The following EHBP1 variants were observed in gnomAD, a reference collection of about 807,000 sequenced individuals.
EHBP1 encodes EH domain-binding protein 1.
In EHBP1, 55 loss-of-function variants were observed where a neutral mutation model predicts 144.0. The observed-to-expected ratio is 0.38, with a 90% CI of 0.31 to 0.48. The LOEUF is 0.48. Ranked by LOEUF, EHBP1 falls within the 20% of genes least tolerant of loss-of-function variation. EHBP1 has a pLI of 0.98. For synonymous variants in EHBP1, 469 were observed against 472.7 expected (o/e 0.99, Z 0.10); for missense variants, 1,200 against 1,364.2 (o/e 0.88, Z 1.90).
At chr2:62,852,561 G>A (rs1386818306) in intron 7 of EHBP1, among the ~76,000 whole-genome samples, 1 of 151,980 alleles carries the variant, frequency 6.6e-6, no homozygotes, top group East Asian at 1.9e-4. Context: ...GATAATGGAT[G>A]CAAAGCCTTT....
intron 10 of EHBP1, among the ~76,000 whole-genome samples, chr2:62,885,081 A>G (rs557154129): frequency 7.9e-5 from 12 of 152,368 alleles, no homozygotes; most frequent in African/African-American, 2.9e-4. Flanking sequence ...AATTATTTGT[A>G]TATCAAAATG....
chr2:63,026,222 C>T (rs1208722804), intron 19 of EHBP1, among the ~76,000 whole-genome samples: 2 of 150,774 alleles, frequency 1.3e-5, no homozygotes. Flanking sequence ...AATCACCATG[C>T]CTTGCTCTAT....
At chr2:62,841,457 A>G (rs889252114) in intron 7 of EHBP1, among the ~76,000 whole-genome samples, 2 of 151,844 alleles carry the variant, frequency 1.3e-5, no homozygotes, top group African/African-American at 2.4e-5. Flanking sequence ...AACCTGCACA[A>G]TGTGCACATG....
At chr2:62,927,180 A>C (rs2055587436) in intron 10 of EHBP1, among the ~76,000 whole-genome samples, 1 of 152,170 alleles carries the variant, frequency 6.6e-6, no homozygotes, top group African/African-American at 2.4e-5. Flanking sequence ...AACAGAGGAT[A>C]CTAGAGGCTG....
intron 5 of EHBP1, among the ~76,000 whole-genome samples, chr2:62,773,352 G>T (rs1347252361): frequency 6.6e-6 from 1 of 151,960 alleles, no homozygotes; most frequent in Non-Finnish European, 1.5e-5. Context: ...GGAAAATCTA[G>T]GCCAGTTTTC....
intron 13 of EHBP1, among the ~76,000 whole-genome samples, chr2:62,951,534 T>TTGGG (rs2057385999): frequency 1.1e-5 from 1 of 92,330 alleles, no homozygotes; most frequent in Non-Finnish European, 2.1e-5. Flanking sequence ...TTTTTTTTTT[T>TTGGG]GGGGGGGGGG....
At chr2:62,955,382 A>G (rs2153110139) in intron 13 of EHBP1, 135 bp from the exon 14 acceptor site, 5 of 787,338 alleles carry the variant, frequency 6.4e-6, no homozygotes, top group Non-Finnish European at 7.8e-6. Flanking sequence ...AATATTCTCT[A>G]TAGGTAATCT....
chr2:62,990,320 T>C (rs942316167), intron 15 of EHBP1, among the ~76,000 whole-genome samples: 1 of 152,130 alleles, frequency 6.6e-6, no homozygotes, highest in African/African-American at 2.4e-5. Context: ...TCTGATATAC[T>C]AAAAGAAAAC....
chr2:63,013,221 T>C (rs764565328), intron 19 of EHBP1, among the ~76,000 whole-genome samples: 6 of 152,160 alleles, frequency 3.9e-5, no homozygotes, highest in Non-Finnish European at 7.4e-5. Flanking sequence ...AGAAAGTAAA[T>C]TAATGTTTTA....
At chr2:62,844,867 C>T (rs138913079) in intron 7 of EHBP1, among the ~76,000 whole-genome samples, 53 of 152,274 alleles carry the variant, frequency 3.5e-4, no homozygotes, top group South Asian at 8.3e-4. Flanking sequence ...GCATGACCTA[C>T]ATAGGCCAAG....
intron 5 of EHBP1, among the ~76,000 whole-genome samples, chr2:62,780,667 G>C (rs1216388397): frequency 6.6e-6 from 1 of 152,098 alleles, no homozygotes; most frequent in Non-Finnish European, 1.5e-5. Context: ...TGCATGCTTT[G>C]AGCCTGTCAA....
chr2:62,681,086 G>T (rs1467128305), intron 1 of EHBP1, among the ~76,000 whole-genome samples: 1 of 151,748 alleles, frequency 6.6e-6, no homozygotes, highest in African/African-American at 2.4e-5. Context: ...GCTGAGGCAG[G>T]TGGATCACCT....
intron 14 of EHBP1, among the ~76,000 whole-genome samples, chr2:62,964,280 G>C (rs2058136994): frequency 6.6e-6 from 1 of 152,152 alleles, no homozygotes; most frequent in Admixed American, 6.5e-5. Flanking sequence ...AATGCATGAA[G>C]CTAGGGCTAG....
intron 20 of EHBP1, 69 bp from the exon 21 acceptor site, chr2:63,038,674 C>G: frequency 7.0e-7 from 1 of 1,424,210 alleles, no homozygotes; most frequent in Non-Finnish European, 9.9e-7. Context: ...TCAATGTAAC[C>G]TAAAGGTTCT....
At chr2:62,806,076 C>T (rs915002859) in intron 5 of EHBP1, among the ~76,000 whole-genome samples, 3 of 151,952 alleles carry the variant, frequency 2.0e-5, no homozygotes, top group African/African-American at 4.8e-5. Context: ...ACCTCCTGGG[C>T]TCAAGTGATC....
chr2:63,003,058 A>G (rs1026145698), intron 19 of EHBP1, among the ~76,000 whole-genome samples: 2 of 152,052 alleles, frequency 1.3e-5, no homozygotes, highest in Non-Finnish European at 2.9e-5. Flanking sequence ...TGATTTTTTA[A>G]AAATGTTTTT....
chr2:62,896,670 T>C (rs1265921093), intron 10 of EHBP1, among the ~76,000 whole-genome samples: 1 of 150,560 alleles, frequency 6.6e-6, no homozygotes, highest in Non-Finnish European at 1.5e-5. Context: ...AGATATAATA[T>C]AGCCCATCTT....
intron 10 of EHBP1, among the ~76,000 whole-genome samples, chr2:62,938,556 G>A (rs1281534469): frequency 6.6e-6 from 1 of 152,200 alleles, no homozygotes; most frequent in Non-Finnish European, 1.5e-5. Flanking sequence ...CCGTTCACAT[G>A]TAATCTGCTA....
At position 62,943,796 on chromosome 2, in the gene EHBP1, C is replaced by G; in HGVS notation, c.1365-6C>G. On this transcript the variant is annotated splice_polypyrimidine_tract_variant and splice_region_variant and intron_variant, in intron 11 of 22. Coordinates refer to ENST00000431489, the MANE Select transcript of EHBP1 (RefSeq NM_001142616.3). ...TATGTACCCACTGTGCTATTTTCTCCCTCAGTGACTACAAGTCTCTGAATC... is the reference window on the plus strand; with the variant it reads ...TATGTACCCACTGTGCTATTTTCTCGCTCAGTGACTACAAGTCTCTGAATC... 1.9e-6 allele frequency: 3 copies of G among 1,589,956 alleles called. No individual in the cohort carries two copies. The highest frequency in any genetic ancestry group is 2.6e-6 in the Non-Finnish European group (3 of 1,164,332).
Sources: gnomAD v4.1 joint callset for allele counts (sites outside exome capture counted in the v4.1 genomes callset) on GRCh38, gnomAD v4.1.1 for gene constraint, MANE v1.5 for transcripts, NCBI Gene and HGNC (gene_info 2026-07-23, HGNC 2026-07-21) for gene names.